The following CACHD1 variants were observed in gnomAD, a reference collection of about 807,000 sequenced individuals.
CACHD1 encodes the protein cache domain containing 1, also known as VWFA and cache domain-containing protein 1.
A neutral mutation model predicts 138.7 loss-of-function variants in CACHD1; 71 were observed. The observed-to-expected ratio is 0.51, with a 90% CI of 0.42 to 0.62. CACHD1 has a LOEUF of 0.62. CACHD1 is among the 20% of genes least tolerant of loss of function. The pLI is 0.00. For missense variants in CACHD1, 1,389 were observed against 1,625.3 expected (o/e 0.85, Z 2.50); for synonymous variants, 578 against 591.5 (o/e 0.98, Z 0.33).
chr1:64,618,930 A>G (rs1247920042), intron 4 of CACHD1, among the ~76,000 whole-genome samples: 1 of 152,110 alleles, frequency 6.6e-6, no homozygotes, highest in Non-Finnish European at 1.5e-5. Flanking sequence ...GATTTCCTTG[A>G]GGTGGGAGGC....
At chr1:64,542,025 G>T (rs756439366) in intron 1 of CACHD1, among the ~76,000 whole-genome samples, 2 of 151,958 alleles carry the variant, frequency 1.3e-5, no homozygotes, top group African/African-American at 2.4e-5. Context: ...AGTCTTAAAG[G>T]ATTAACTATA....
intron 3 of CACHD1, among the ~76,000 whole-genome samples, chr1:64,601,979 A>G (rs1647219429): frequency 6.6e-6 from 1 of 152,204 alleles, no homozygotes; most frequent in African/African-American, 2.4e-5. Flanking sequence ...AATACTCTTT[A>G]TGACTATATG....
intron 26 of CACHD1, 35 bp downstream of exon 26, chr1:64,682,141 G>A: frequency 8.9e-6 from 14 of 1,574,752 alleles, no homozygotes; most frequent in Non-Finnish European, 1.2e-5. Context: ...AAGACCCAAG[G>A]AACCTCATGT....
At chr1:64,582,602 G>C (rs1302216342) in intron 3 of CACHD1, among the ~76,000 whole-genome samples, 1 of 152,138 alleles carries the variant, frequency 6.6e-6, no homozygotes, top group East Asian at 1.9e-4. Flanking sequence ...AATTGGAAAT[G>C]CTTTGTCATG....
chr1:64,675,832 A>G, intron 20 of CACHD1, 65 bp from the exon 21 acceptor site: 2 of 1,091,860 alleles, frequency 1.8e-6, no homozygotes, highest in South Asian at 3.2e-5. Flanking sequence ...TTGCTTCCCC[A>G]GCACATGTAC....
At chr1:64,538,551 T>G (rs1646652974) in intron 1 of CACHD1, among the ~76,000 whole-genome samples, 1 of 152,192 alleles carries the variant, frequency 6.6e-6, no homozygotes, top group Non-Finnish European at 1.5e-5. Flanking sequence ...ATTTCCTGTT[T>G]TTTATGTGAG....
intron 25 of CACHD1, 43 bp from the exon 26 acceptor site, chr1:64,681,962 T>TA (rs1451226648): frequency 3.3e-6 from 5 of 1,524,172 alleles, no homozygotes; most frequent in Non-Finnish European, 4.6e-6. Flanking sequence ...ACAATGGAGA[T>TA]ACTGGCATAA....
At chr1:64,587,348 T>A (rs1039774407) in intron 3 of CACHD1, among the ~76,000 whole-genome samples, 7 of 152,200 alleles carry the variant, frequency 4.6e-5, no homozygotes, top group South Asian at 4.1e-4. Flanking sequence ...ACATATTTTT[T>A]AAAAATAAAA....
intron 9 of CACHD1, among the ~76,000 whole-genome samples, chr1:64,651,772 G>A (rs1649105014): frequency 6.6e-6 from 1 of 152,214 alleles, no homozygotes; most frequent in African/African-American, 2.4e-5. Flanking sequence ...ACAGTTTTTA[G>A]ATTCATTGTC....
chr1:64,542,662 C>T (rs999915464), intron 1 of CACHD1, among the ~76,000 whole-genome samples: 1 of 151,970 alleles, frequency 6.6e-6, no homozygotes, highest in Non-Finnish European at 1.5e-5. Flanking sequence ...TACAGGCAAG[C>T]CCTGTTACTA....
At chr1:64,612,955 A>T (rs1647585407) in intron 4 of CACHD1, among the ~76,000 whole-genome samples, 1 of 152,212 alleles carries the variant, frequency 6.6e-6, no homozygotes. Context: ...TCTGGAAATG[A>T]TTCACCATTC....
At chr1:64,514,834 T>C (rs2100358292) in intron 1 of CACHD1, among the ~76,000 whole-genome samples, 1 of 152,362 alleles carries the variant, frequency 6.6e-6, no homozygotes, top group South Asian at 2.1e-4. Context: ...TTAAGTGGCA[T>C]AATTTGGCCT....
At chr1:64,637,953 A>G (rs1456349229) in intron 7 of CACHD1, among the ~76,000 whole-genome samples, 2 of 152,154 alleles carry the variant, frequency 1.3e-5, no homozygotes. Context: ...ATTTGTCTAT[A>G]TTGTTTTATT....
rs150805208 is a variant in CACHD1, at chr1:64,478,475, G to A, written c.198+7533G>A. ...AAGCGAGATAGCTGTAACTGGGAGAGAAGAGAGGCAGATTGAAGAGGAAGA... is the reference window on the plus strand; with the variant it reads ...AAGCGAGATAGCTGTAACTGGGAGAAAAGAGAGGCAGATTGAAGAGGAAGA... On this transcript the variant is annotated intron_variant, in intron 1 of 26. Transcript: ENST00000651257. Among the ~76,000 whole-genome samples the A allele has an allele frequency of 5.9e-3, 900 of 152,346 alleles. 3 individuals are homozygous for A. The highest frequency in any genetic ancestry group is 7.5e-3 in the Non-Finnish European group (507 of 68,034).
chr1:64,644,603 T>C (rs1236501189), intron 8 of CACHD1, among the ~76,000 whole-genome samples: 1 of 152,228 alleles, frequency 6.6e-6, no homozygotes, highest in African/African-American at 2.4e-5. Context: ...CTCTAGTTAC[T>C]TCCATCTCAG....
intron 3 of CACHD1, among the ~76,000 whole-genome samples, chr1:64,585,680 C>T (rs1371353565): frequency 6.6e-6 from 1 of 152,194 alleles, no homozygotes; most frequent in Admixed American, 6.5e-5. Context: ...CAATGAACCT[C>T]CTTCAACAAA....
chr1:64,530,113 C>T (rs928115767), intron 1 of CACHD1, among the ~76,000 whole-genome samples: 1 of 152,188 alleles, frequency 6.6e-6, no homozygotes, highest in Non-Finnish European at 1.5e-5. Context: ...AACACAGAAC[C>T]CTTCCTTTGA....
chr1:64,623,320 T>G (rs1017883823), intron 4 of CACHD1, among the ~76,000 whole-genome samples: 3 of 151,820 alleles, frequency 2.0e-5, no homozygotes, highest in Non-Finnish European at 4.4e-5. Flanking sequence ...GAGAATCGCT[T>G]GAACCTGGGA....
intron 1 of CACHD1, among the ~76,000 whole-genome samples, chr1:64,514,543 G>T (rs141931796): frequency 6.6e-6 from 1 of 152,164 alleles, no homozygotes; most frequent in African/African-American, 2.4e-5. Flanking sequence ...ACTGGGCAGT[G>T]GGGGAGGAAT....
Sources: allele counts gnomAD v4.1 joint callset (sites outside exome capture counted in the v4.1 genomes callset), GRCh38; gene constraint gnomAD v4.1.1; transcripts MANE v1.5; gene names NCBI Gene and HGNC (gene_info 2026-07-23, HGNC 2026-07-21).